MAP2: variants seen among roughly 807,000 people sequenced by gnomAD.
MAP2 encodes the protein microtubule associated protein 2.
MAP2 carries 14 observed loss-of-function variants against 137.6 expected under a neutral mutation model. The ratio of observed to expected loss-of-function variants is 0.10; its 90% confidence interval spans 0.07 to 0.16. The LOEUF is 0.16. Ranked by LOEUF, MAP2 falls within the 10% of genes least tolerant of loss-of-function variation. The pLI is 1.00. For synonymous variants in MAP2, 786 were observed against 782.3 expected (o/e 1.00, Z -0.08); for missense variants, 2,088 against 2,191.5 (o/e 0.95, Z 0.94).
chr2:209,627,384 C>T lies in MAP2; in HGVS notation c.-30+2255C>T, dbSNP rs559659251. 2.8e-4 allele frequency among the ~76,000 whole-genome samples: 43 copies of T among 152,132 alleles called. No individual in the cohort carries two copies. The East Asian group carries it at 3.9e-3, about 14-fold the overall frequency. ...ATTTTCTGAGAGAAGTAAATTATTTCGTCAAAGTTGGGGGAGGAAGAGGAA... is the reference window on the plus strand; with the variant it reads ...ATTTTCTGAGAGAAGTAAATTATTTTGTCAAAGTTGGGGGAGGAAGAGGAA... On this transcript the variant is annotated intron_variant, in intron 4 of 15. Transcript: ENST00000682079.
At chr2:209,543,914 ATGTT>A (rs1285402349) in intron 2 of MAP2, among the ~76,000 whole-genome samples, 2 of 152,150 alleles carry the variant, frequency 1.3e-5, no homozygotes, top group Non-Finnish European at 2.9e-5. Context: ...TTCGTTCTAA[ATGTT>A]TGTATCTTTT....
chr2:209,506,574 A>G (rs894129180), intron 1 of MAP2, among the ~76,000 whole-genome samples: 3 of 152,160 alleles, frequency 2.0e-5, no homozygotes, highest in Non-Finnish European at 2.9e-5. Flanking sequence ...TTTGTTTACT[A>G]TCTGTTCAAG....
At chr2:209,434,945 GTT>G (rs1319626597) in intron 1 of MAP2, among the ~76,000 whole-genome samples, 3 of 136,930 alleles carry the variant, frequency 2.2e-5, no homozygotes, top group East Asian at 2.1e-4. Context: ...ATATATATGT[GTT>G]TTATATATAT....
At chr2:209,674,412 C>T (rs756367643) in intron 5 of MAP2, among the ~76,000 whole-genome samples, 10 of 151,768 alleles carry the variant, frequency 6.6e-5, no homozygotes, top group Non-Finnish European at 1.0e-4. Flanking sequence ...GTCCCCACAA[C>T]AACCTCTGAG....
chr2:209,605,589 A>G (rs978163689), intron 3 of MAP2, among the ~76,000 whole-genome samples: 10 of 152,170 alleles, frequency 6.6e-5, no homozygotes, highest in Non-Finnish European at 1.3e-4. Context: ...ATTAGAAGGT[A>G]GTTCAACATC....
intron 2 of MAP2, among the ~76,000 whole-genome samples, chr2:209,524,994 T>TA (rs1403996588): frequency 6.6e-6 from 1 of 152,170 alleles, no homozygotes; most frequent in Non-Finnish European, 1.5e-5. Context: ...TTACCTTGAA[T>TA]AAGGAAATTC....
At chr2:209,659,745 A>G (rs78990899) in intron 5 of MAP2, among the ~76,000 whole-genome samples, 1 of 151,986 alleles carries the variant, frequency 6.6e-6, no homozygotes, top group East Asian at 1.9e-4. Flanking sequence ...AAAAAAAAAA[A>G]TGCTGATCAC....
intron 2 of MAP2, among the ~76,000 whole-genome samples, chr2:209,524,560 CAATAT>C (rs566905155): frequency 1.3e-3 from 191 of 152,022 alleles, no homozygotes; most frequent in African/African-American, 4.3e-3. Flanking sequence ...ATACACTATA[CAATAT>C]AATATGTTAC....
chr2:209,563,319 G>T (rs188236843), intron 2 of MAP2, among the ~76,000 whole-genome samples: 1 of 152,262 alleles, frequency 6.6e-6, no homozygotes, highest in Admixed American at 6.5e-5. Flanking sequence ...CAAGTTAATG[G>T]CTGGTGCAAA....
At chr2:209,593,935 A>G (rs1483763382) in intron 3 of MAP2, among the ~76,000 whole-genome samples, 2 of 132,096 alleles carry the variant, frequency 1.5e-5, no homozygotes, top group Non-Finnish European at 3.1e-5. Context: ...AAATATATAA[A>G]TATATATTTA....
At chr2:209,502,564 T>G (rs955278289) in intron 1 of MAP2, among the ~76,000 whole-genome samples, 9 of 152,220 alleles carry the variant, frequency 5.9e-5, no homozygotes, top group African/African-American at 2.2e-4. Flanking sequence ...TGCAGATATC[T>G]CTTCAAGGTA....
intron 1 of MAP2, among the ~76,000 whole-genome samples, chr2:209,470,439 G>C (rs934610974): frequency 1.3e-5 from 2 of 150,834 alleles, no homozygotes; most frequent in Non-Finnish European, 3.0e-5. Context: ...GCCTTACTTA[G>C]AGGGGAAATT....
intron 11 of MAP2, chr2:209,704,647 CAGAA>C: frequency 1.3e-6 from 2 of 1,543,064 alleles, no homozygotes; most frequent in Non-Finnish European, 1.7e-6. Context: ...ATAAAAGGTG[CAGAA>C]AGAAATAGAA....
intron 5 of MAP2, among the ~76,000 whole-genome samples, chr2:209,667,608 A>G (rs1448070645): frequency 6.6e-6 from 1 of 152,014 alleles, no homozygotes; most frequent in African/African-American, 2.4e-5. Flanking sequence ...TGGGAAGAAA[A>G]TAATATATTT....
rs1000697515 is a variant in MAP2 at position 209,544,840 on chromosome 2, T to C, written c.-171-35196T>C. ...TTTATGGAGGTTGGAATAGATATTATGTGCACATTGAAATACAATTACAGC... is the reference window on the plus strand; with the variant it reads ...TTTATGGAGGTTGGAATAGATATTACGTGCACATTGAAATACAATTACAGC... On this transcript the variant is annotated intron_variant, in intron 2 of 15. Coordinates refer to ENST00000682079, the MANE Select transcript of MAP2 (RefSeq NM_001375505.1). Among the ~76,000 whole-genome samples the C allele has an allele frequency of 5.3e-5, 8 of 152,230 alleles. No individual in the cohort carries two copies. In the East Asian group the frequency reaches 1.3e-3, roughly 26 times the overall value.
At chr2:209,617,342 A>G (rs778247279) in intron 3 of MAP2, among the ~76,000 whole-genome samples, 6 of 152,166 alleles carry the variant, frequency 3.9e-5, no homozygotes, top group Non-Finnish European at 5.9e-5. Context: ...ACCAAGAGGC[A>G]TCAAGTGTAG....
Position 209,663,722 on chromosome 2 carries a change from T to C in MAP2, c.262+10290T>C, listed in dbSNP as rs143662054. Among the ~76,000 whole-genome samples, 1,438 of 152,316 alleles carry C rather than the reference T, an allele frequency of 9.4e-3. 10 individuals carry two copies. Among genetic ancestry groups the C allele is most frequent in the Middle Eastern group, 0.02 (6 of 294 alleles). On this transcript the variant is annotated intron_variant, in intron 5 of 15. Transcript: ENST00000682079. ...TCAGTTTAAGCATCCTGAAAATCCA[T>C]ATTTTTAATTTGTAAACACAGGTCA...
intron 11 of MAP2, chr2:209,704,393 C>T: frequency 6.8e-7 from 1 of 1,474,524 alleles, no homozygotes; most frequent in Admixed American, 2.2e-5. Context: ...TTTTATCTTC[C>T]TTTTACTTTA....
intron 1 of MAP2, among the ~76,000 whole-genome samples, chr2:209,457,910 C>T (rs1701914234): frequency 6.6e-6 from 1 of 152,134 alleles, no homozygotes; most frequent in South Asian, 2.1e-4. Flanking sequence ...TTCTCAACCA[C>T]TCAAATAAAT....
Sources: allele counts gnomAD v4.1 joint callset (sites outside exome capture counted in the v4.1 genomes callset), GRCh38; gene constraint gnomAD v4.1.1; transcripts MANE v1.5; gene names NCBI Gene and HGNC (gene_info 2026-07-23, HGNC 2026-07-21).